NPAS3: variants seen among roughly 807,000 people sequenced by gnomAD.
The protein encoded by NPAS3 is neuronal PAS domain-containing protein 3.
Under a neutral mutation model 73.1 loss-of-function variants are expected in NPAS3, and 14 were observed. The ratio of observed to expected loss-of-function variants is 0.19; its 90% CI spans 0.13 to 0.30. NPAS3 has a LOEUF of 0.30. Among genes scored for constraint, NPAS3 ranks in the 10% least tolerant of loss-of-function variants. The probability of loss-of-function intolerance (pLI) is 1.00; values close to 1 mark genes in which losing one functional copy is unlikely to be tolerated. For synonymous variants in NPAS3, 620 were observed against 541.5 expected (o/e 1.14, Z -2.01); for missense variants, 1,096 against 1,250.0 (o/e 0.88, Z 1.86).
At chr14:33,558,565 T>C (rs2055475558) in intron 4 of NPAS3, among the ~76,000 whole-genome samples, 1 of 151,914 alleles carries the variant, frequency 6.6e-6, no homozygotes, top group African/African-American at 2.4e-5. Context: ...TGGCAGAAAA[T>C]CAAAATTTTA....
chr14:33,361,076 C>A (rs1225915687), intron 3 of NPAS3, among the ~76,000 whole-genome samples: 1 of 152,162 alleles, frequency 6.6e-6, no homozygotes, highest in Admixed American at 6.5e-5. Flanking sequence ...CTTATAGTAA[C>A]TACCAGATTG....
At chr14:33,175,499 T>C (rs1393334958) in intron 2 of NPAS3, among the ~76,000 whole-genome samples, 1 of 152,214 alleles carries the variant, frequency 6.6e-6, no homozygotes, top group Non-Finnish European at 1.5e-5. Context: ...TAAATGATTT[T>C]TATTCATAGT....
At chr14:33,282,971 CT>C (rs1171268404) in intron 3 of NPAS3, among the ~76,000 whole-genome samples, 1 of 152,192 alleles carries the variant, frequency 6.6e-6, no homozygotes, top group African/African-American at 2.4e-5. Context: ...TCATTCCATT[CT>C]TGAGATTCCC....
intron 1 of NPAS3, among the ~76,000 whole-genome samples, chr14:32,958,793 GTGGGTAAATAAATACA>G (rs1243183769): frequency 1.3e-5 from 2 of 152,194 alleles, no homozygotes; most frequent in Admixed American, 6.5e-5. Context: ...AAATGAGTGA[GTGGGTAAATAAATACA>G]TGGGCAGGAA....
chr14:33,347,249 A>T (rs1240895567), intron 3 of NPAS3, among the ~76,000 whole-genome samples: 1 of 152,222 alleles, frequency 6.6e-6, no homozygotes, highest in Non-Finnish European at 1.5e-5. Context: ...CAAATTTCTA[A>T]TGGGGTTATT....
intron 2 of NPAS3, among the ~76,000 whole-genome samples, chr14:33,060,620 A>G (rs184704591): frequency 1.2e-4 from 19 of 152,296 alleles, no homozygotes; most frequent in Non-Finnish European, 2.1e-4. Flanking sequence ...TCCTTTTCCA[A>G]GCCCCTTTTT....
chr14:33,293,882 G>A (rs1225662381), intron 3 of NPAS3, among the ~76,000 whole-genome samples: 4 of 152,196 alleles, frequency 2.6e-5, no homozygotes, highest in African/African-American at 4.8e-5. Context: ...TCAGTAATTG[G>A]ATGGCTCAGG....
chr14:33,284,340 A>G (rs752647403), intron 3 of NPAS3, among the ~76,000 whole-genome samples: 2 of 151,194 alleles, frequency 1.3e-5, no homozygotes, highest in Non-Finnish European at 3.0e-5. Context: ...TTTTTTTTTT[A>G]AAGATTCTTA....
chr14:33,248,304 T>C (rs769922832), intron 3 of NPAS3, among the ~76,000 whole-genome samples: 3 of 152,360 alleles, frequency 2.0e-5, no homozygotes, highest in Admixed American at 6.5e-5. Flanking sequence ...AAAAACAATT[T>C]AAAATTCTTA....
chr14:33,466,358 G>A (rs893197924), intron 4 of NPAS3, among the ~76,000 whole-genome samples: 2 of 152,178 alleles, frequency 1.3e-5, no homozygotes, highest in African/African-American at 2.4e-5. Context: ...AGCAGATGAT[G>A]ATTAGCAAGA....
At chr14:32,976,528 G>A (rs1186694963) in intron 1 of NPAS3, among the ~76,000 whole-genome samples, 1 of 152,182 alleles carries the variant, frequency 6.6e-6, no homozygotes, top group Non-Finnish European at 1.5e-5. Flanking sequence ...TCTAGAAAAT[G>A]TCTTACTGAT....
rs191795710 is a variant in NPAS3 at position 33,483,067 on chromosome 14, T to C, written c.469-77054T>C. ...AAAGGAAGACCCGAGAAAGAGAAAT[T>C]TGTCCCATGTTAGTTGACTACGTAT... On this transcript the variant is annotated intron_variant, in intron 4 of 11. Coordinates refer to ENST00000356141, the Ensembl canonical transcript of NPAS3. Among the ~76,000 whole-genome samples the C allele has an allele frequency of 1.0e-3, 158 of 152,270 alleles. 2 individuals carry two copies. Among genetic ancestry groups the C allele is most frequent in the African/African-American group, 3.0e-3 (126 of 41,550 alleles).
chr14:33,609,032 T>C (rs1353837644), intron 5 of NPAS3, among the ~76,000 whole-genome samples: 13 of 152,202 alleles, frequency 8.5e-5, no homozygotes, highest in Admixed American at 3.9e-4. Flanking sequence ...GAATATTTTT[T>C]AAATGTTGTT....
intron 2 of NPAS3, among the ~76,000 whole-genome samples, chr14:33,185,082 T>C (rs1952075): frequency 0.27 from 41,795 of 152,076 alleles, 6,668 homozygotes; most frequent in South Asian, 0.47. Flanking sequence ...TCCACTCTTG[T>C]CCACAAAGGG....
chr14:32,989,887 G>T (rs2038260432), intron 1 of NPAS3, among the ~76,000 whole-genome samples: 1 of 152,164 alleles, frequency 6.6e-6, no homozygotes. Context: ...ATATCAGTGT[G>T]AAGCTCTTGC....
intron 3 of NPAS3, among the ~76,000 whole-genome samples, chr14:33,349,443 CT>C: frequency 6.6e-6 from 1 of 152,310 alleles, no homozygotes; most frequent in Non-Finnish European, 1.5e-5. Flanking sequence ...AACAAATTAA[CT>C]AGCTGATGGA....
intron 5 of NPAS3, among the ~76,000 whole-genome samples, chr14:33,578,043 C>T (rs972684066): frequency 1.3e-5 from 2 of 152,268 alleles, no homozygotes; most frequent in South Asian, 2.1e-4. Flanking sequence ...ACTTCTGGGC[C>T]GTAGAAAACT....
intron 1 of NPAS3, among the ~76,000 whole-genome samples, chr14:32,997,820 G>A (rs1375386940): frequency 6.6e-6 from 1 of 151,670 alleles, no homozygotes; most frequent in Non-Finnish European, 1.5e-5. Flanking sequence ...ATGATTGTGA[G>A]GCTTCCCTGG....
At chr14:33,150,204 T>C (rs893630520) in intron 2 of NPAS3, among the ~76,000 whole-genome samples, 4 of 152,226 alleles carry the variant, frequency 2.6e-5, no homozygotes, top group African/African-American at 9.6e-5. Context: ...ATTCATGTTA[T>C]TTATTTTTAA....
Sources: gnomAD v4.1 joint callset for allele counts (sites outside exome capture counted in the v4.1 genomes callset) on GRCh38, gnomAD v4.1.1 for gene constraint, MANE v1.5 for transcripts, NCBI Gene and HGNC (gene_info 2026-07-23, HGNC 2026-07-21) for gene names.